The following TTC17 variants were observed in gnomAD, a reference collection of about 807,000 sequenced individuals.
TTC17 encodes tetratricopeptide repeat protein 17.
A neutral mutation model predicts 143.8 loss-of-function variants in TTC17; 58 were observed. That is an observed-to-expected ratio of 0.40 (90% CI 0.33 to 0.50). The LOEUF (loss-of-function observed/expected upper bound fraction) is 0.50, where lower values mean the gene tolerates loss of function less well. TTC17 is among the 20% of genes least tolerant of loss of function. The pLI, the probability that TTC17 is intolerant of heterozygous loss-of-function variation, is 0.49. For synonymous variants in TTC17, 501 were observed against 497.8 expected, an observed-to-expected ratio of 1.01 and a Z score of -0.09; for missense variants, 1,273 against 1,392.5, an observed-to-expected ratio of 0.91 and a Z score of 1.37.
chr11:43,379,457 AATGT>A lies in TTC17; in HGVS notation c.249+136_249+139del, dbSNP rs2134480289. ...ACTTTTGCGGGAATATACTACCTGC[AATGT>A]GTGTGTGTGTGTGTGTGTGTTTTTT... On this transcript the variant is annotated intron_variant, in intron 2 of 23. Coordinates refer to ENST00000039989, the MANE Select transcript of TTC17 (RefSeq NM_018259.6). The A allele has an allele frequency of 9.1e-6, 6 of 661,488 alleles. No individual in the cohort carries two copies. The South Asian group carries it at 1.1e-4, about 12-fold the overall frequency. 41.0% of individuals were successfully genotyped at this position (661,488 alleles called of 1,614,324 possible).
At chr11:43,436,793 C>G (rs888024529) in intron 16 of TTC17, among the ~76,000 whole-genome samples, 3 of 152,210 alleles carry the variant, frequency 2.0e-5, no homozygotes, top group Admixed American at 6.5e-5. Context: ...TATTCACCCA[C>G]TTGACCACTT....
intron 19 of TTC17, chr11:43,448,840 TTTTTG>T (rs2134748138): frequency 6.6e-6 from 1 of 152,314 alleles, no homozygotes; most frequent in South Asian, 2.1e-4. Flanking sequence ...TTATTGTTTT[TTTTTG>T]TTTTGTTTTT....
chr11:43,364,562 G>T (rs1856254204), intron 1 of TTC17, among the ~76,000 whole-genome samples: 2 of 152,178 alleles, frequency 1.3e-5, no homozygotes, highest in Admixed American at 6.5e-5. Context: ...GAGAGGTCAT[G>T]GTGGTTATTC....
chr11:43,370,257 C>A, intron 1 of TTC17: 1 of 311,192 alleles, frequency 3.2e-6, no homozygotes, highest in Non-Finnish European at 6.4e-6. Flanking sequence ...GTCATTCCAT[C>A]CCTGTGAAAC....
At chr11:43,369,805 C>T (rs2134449045) in intron 1 of TTC17, among the ~76,000 whole-genome samples, 1 of 152,056 alleles carries the variant, frequency 6.6e-6, no homozygotes, top group Non-Finnish European at 1.5e-5. Flanking sequence ...TTAGTAGAGA[C>T]AGGGTTTCAC....
At chr11:43,432,110 T>C (rs1375598349) in intron 16 of TTC17, among the ~76,000 whole-genome samples, 3 of 152,220 alleles carry the variant, frequency 2.0e-5, no homozygotes, top group Non-Finnish European at 4.4e-5. Flanking sequence ...GAAAATACTC[T>C]TCTAGCAATT....
intron 16 of TTC17, among the ~76,000 whole-genome samples, chr11:43,437,349 T>C (rs1433902878): frequency 6.6e-6 from 1 of 152,188 alleles, no homozygotes. Flanking sequence ...ATTCAGACTT[T>C]CTTCATTTCT....
chr11:43,424,701 T>TGGA (rs1051662432), intron 16 of TTC17, among the ~76,000 whole-genome samples: 31 of 151,510 alleles, frequency 2.0e-4, no homozygotes, highest in African/African-American at 7.5e-4. Context: ...ACCCGGGAGG[T>TGGA]GGAGGTTGCA....
intron 16 of TTC17, among the ~76,000 whole-genome samples, chr11:43,439,606 C>CT (rs770425495): frequency 2.6e-5 from 4 of 151,736 alleles, no homozygotes; most frequent in Non-Finnish European, 5.9e-5. Context: ...GTGGCTGGGA[C>CT]TATAGGTGCC....
intron 21 of TTC17, among the ~76,000 whole-genome samples, chr11:43,478,967 G>A (rs943783601): frequency 3.3e-5 from 5 of 152,172 alleles, no homozygotes; most frequent in East Asian, 1.9e-4. Flanking sequence ...CAGGCCGGGC[G>A]TGGTGGCTCA....
intron 16 of TTC17, among the ~76,000 whole-genome samples, chr11:43,440,984 T>C (rs1947404882): frequency 6.6e-6 from 1 of 151,518 alleles, no homozygotes; most frequent in Non-Finnish European, 1.5e-5. Flanking sequence ...TTGTTAACTC[T>C]GGAAGGCTGG....
At chr11:43,383,545 G>A (rs1171912823) in intron 2 of TTC17, among the ~76,000 whole-genome samples, 1 of 146,838 alleles carries the variant, frequency 6.8e-6, no homozygotes, top group Non-Finnish European at 1.5e-5. Flanking sequence ...TGTATTTTTA[G>A]TAGAGACAGG....
At chr11:43,387,373 C>T (rs567297765) in intron 2 of TTC17, among the ~76,000 whole-genome samples, 95 of 152,284 alleles carry the variant, frequency 6.2e-4, no homozygotes, top group African/African-American at 2.0e-3. Flanking sequence ...AAGTGACATA[C>T]ACCATCTTTA....
chr11:43,366,168 C>A (rs1305493053), intron 1 of TTC17, among the ~76,000 whole-genome samples: 3 of 151,992 alleles, frequency 2.0e-5, no homozygotes, highest in Non-Finnish European at 2.9e-5. Flanking sequence ...TCTCCCTTAG[C>A]CATCACCAAG....
At chr11:43,467,239 A>G (rs532039381) in intron 21 of TTC17, among the ~76,000 whole-genome samples, 1 of 152,304 alleles carries the variant, frequency 6.6e-6, no homozygotes, top group South Asian at 2.1e-4. Context: ...TCATAGCTAT[A>G]CCATTCACAG....
In TTC17 at chr11:43,407,204, G is replaced by C. The variant is rs763358957; in HGVS notation, c.1828G>C (p.Ala610Pro). ...AGAAATTGGGTCTTTCTTATTTCAT[G>C]CTATTAATAAGGTGAGTCATTTACT... ...EEEIGSFLFH[A>P]INKPNAPIWL... The change falls in exon 14 of 24, where the codon GCT (alanine) becomes CCT (proline). Residue 610 changes from alanine to proline, a missense_variant. By Grantham distance (27) the Ala-to-Pro change is conservative. Around this residue, in one of 3 missense-constraint regions of TTC17, gnomAD observed 878 missense variants for 899.8 expected, o/e 0.98. Coordinates refer to ENST00000039989, the MANE Select transcript of TTC17 (RefSeq NM_018259.6). 3.1e-6 allele frequency: 5 copies of C among 1,596,502 alleles called. No homozygotes were observed.
At chr11:43,465,924 G>A (rs568179852) in intron 21 of TTC17, among the ~76,000 whole-genome samples, 82 of 152,258 alleles carry the variant, frequency 5.4e-4, no homozygotes, top group Middle Eastern at 3.4e-3. Context: ...TGTAAAAATA[G>A]ACAAAGTGGA....
chr11:43,461,390 CAAAAAAAAAAAAAA>C (rs750240102), intron 21 of TTC17, among the ~76,000 whole-genome samples: 2 of 36,038 alleles, frequency 5.5e-5, no homozygotes, highest in Admixed American at 3.5e-4. Flanking sequence ...AACTCCGTCT[CAAAAAAAAAAAAAA>C]AAAAAAAAAA....
intron 1 of TTC17, among the ~76,000 whole-genome samples, chr11:43,369,220 TACTCATTTGTGG>T (rs1267000525): frequency 1.3e-5 from 2 of 152,250 alleles, no homozygotes; most frequent in African/African-American, 4.8e-5. Flanking sequence ...TATAGGAAGT[TACTCATTTGTGG>T]TTCATGTTGA....
Sources: gnomAD v4.1 joint callset for allele counts (sites outside exome capture counted in the v4.1 genomes callset) on GRCh38, gnomAD v4.1.1 for gene constraint, gnomAD v4.1.1 regional missense constraint, MANE v1.5 for transcripts, NCBI Gene and HGNC (gene_info 2026-07-23, HGNC 2026-07-21) for gene names.